NLRP3: variants seen among roughly 807,000 people sequenced by gnomAD.
The protein encoded by NLRP3 is NACHT, LRR and PYD domains-containing protein 3.
NLRP3 carries 48 observed loss-of-function variants against 91.3 expected under a neutral mutation model. The ratio of observed to expected loss-of-function variants is 0.53; its 90% CI spans 0.42 to 0.67. NLRP3 has a LOEUF of 0.67. NLRP3 is among the 30% of genes least tolerant of loss of function. The probability of loss-of-function intolerance (pLI) is 0.00; values close to 1 mark genes in which losing one functional copy is unlikely to be tolerated. For synonymous variants in NLRP3, 561 were observed against 507.9 expected (o/e 1.10, Z -1.41); for missense variants, 982 against 1,276.9 (o/e 0.77, Z 3.52).
chr1:247,429,144 CG>C (rs1348053328), intron 4 of NLRP3, among the ~76,000 whole-genome samples: 1 of 152,126 alleles, frequency 6.6e-6, no homozygotes, highest in African/African-American at 2.4e-5. Flanking sequence ...CTGCCCGCCT[CG>C]GCCTCCCAAA....
intron 6 of NLRP3, 44 bp from the exon 7 acceptor site, chr1:247,435,926 C>A (rs190033492): frequency 6.3e-7 from 1 of 1,598,630 alleles, no homozygotes. Context: ...CATGGTGGAG[C>A]GTGGGTGAGA....
rs202100942 is a variant in NLRP3, at chr1:247,441,197, C to CT, written c.2664-2775_2664-2774insT. Among the ~76,000 whole-genome samples the CT allele has an allele frequency of 5.3e-3, 540 of 102,072 alleles. 2 individuals are homozygous for CT. The highest frequency in any genetic ancestry group is 0.019 in the African/African-American group (521 of 28,076). The allele number at this position is 102,072 out of a possible 152,430, so 67.0% of individuals were successfully genotyped here. ...TCTTTCTCCCTTCCCTTCCCCTCCCCCCCCCCTTTCCCTTTCCCCTTTCCT... is the reference window on the plus strand; with the variant it reads ...TCTTTCTCCCTTCCCTTCCCCTCCCCTCCCCCCTTTCCCTTTCCCCTTTCCT... On this transcript the variant is annotated intron_variant, in intron 7 of 9. Transcript: ENST00000336119.
At chr1:247,422,552 C>T (rs931191778) in intron 2 of NLRP3, among the ~76,000 whole-genome samples, 2 of 152,072 alleles carry the variant, frequency 1.3e-5, no homozygotes, top group African/African-American at 2.4e-5. Flanking sequence ...TGATTCTCAA[C>T]ACAGATGCAT....
chr1:247,447,080 G>A (rs562763883), intron 9 of NLRP3, among the ~76,000 whole-genome samples: 1 of 152,310 alleles, frequency 6.6e-6, no homozygotes, highest in East Asian at 1.9e-4. Context: ...AAGAATCCAT[G>A]AATGCAATCA....
At chr1:247,427,150 G>C (rs747121907) in intron 4 of NLRP3, among the ~76,000 whole-genome samples, 1 of 152,100 alleles carries the variant, frequency 6.6e-6, no homozygotes, top group South Asian at 2.1e-4. Context: ...CCTTCTCACT[G>C]TGTCCTTACA....
intron 7 of NLRP3, among the ~76,000 whole-genome samples, chr1:247,436,608 T>A (rs979389720): frequency 1.3e-5 from 2 of 152,166 alleles, no homozygotes; most frequent in Non-Finnish European, 2.9e-5. Flanking sequence ...CCTTCACCTA[T>A]GTAGCCATGC....
Position 247,424,094 on chromosome 1 carries a change from G to A in NLRP3, c.645G>A (p.Glu215=), listed in dbSNP as rs1344921022. The change falls in exon 4 of 10, where the codon GAG becomes GAA. Residue 215 remains glutamate, a synonymous_variant. Transcript: ENST00000336119. This position sits in a 1 kb window ranked among gnomAD's most constrained non-coding sequence, Gnocchi z 8.1. Reference sequence around the variant, plus strand: ...TTGACCCCGATGATGAGCATTCTGAGCCTGTGCACACCGTGGTGTTCCAGG... The same window carrying A: ...TTGACCCCGATGATGAGCATTCTGAACCTGTGCACACCGTGGTGTTCCAGG... ...LLFDPDDEHS[E]PVHTVVFQGA... The A allele has an allele frequency of 6.2e-7, 1 of 1,614,130 alleles. No homozygotes were observed. Among genetic ancestry groups the A allele is most frequent in the South Asian group, 1.1e-5 (1 of 91,066 alleles).
rs762512734 is a variant in NLRP3, at chr1:247,424,833, G to A, written c.1384G>A (p.Ala462Thr). 5 of 1,607,850 alleles carry A rather than the reference G, an allele frequency of 3.1e-6. No homozygotes were observed. The highest frequency in any genetic ancestry group is 4.5e-5 in the East Asian group (2 of 44,868). Residue 462 changes from alanine to threonine, a missense_variant, in exon 4 of 10, where the codon GCC (alanine) becomes ACC (threonine). Transcript: ENST00000336119. The surrounding 1 kb of genome is among the most constrained non-coding windows in gnomAD (Gnocchi z 8.1). ...RGGSQEHGLCAHLWGLCSLAA... is the reference protein window; with the variant it reads ...RGGSQEHGLCTHLWGLCSLAA... ...AGGGAGCCAGGAGCACGGCCTCTGC[G>A]CCCACCTCTGGGGGCTCTGCTCTTT... is the stretch of plus-strand genomic sequence containing the variant.
intron 9 of NLRP3, among the ~76,000 whole-genome samples, chr1:247,445,496 G>A (rs1049708765): frequency 6.6e-6 from 1 of 152,148 alleles, no homozygotes; most frequent in South Asian, 2.1e-4. Flanking sequence ...CTCCGTGCCT[G>A]GCGGTTTCTG....
chr1:247,434,381 G>A (rs1311815750), intron 6 of NLRP3, 108 bp downstream of exon 6: 7 of 1,179,612 alleles, frequency 5.9e-6, no homozygotes, highest in South Asian at 1.2e-5. Context: ...TGGCCTTGGC[G>A]GCTCGGGTGA....
In NLRP3 at chr1:247,434,292, C is replaced by T. The variant is rs200900048; in HGVS notation, c.2492+19C>T. On this transcript the variant is annotated intron_variant, in intron 6 of 9. Coordinates refer to ENST00000336119, the MANE Select transcript of NLRP3 (RefSeq NM_001243133.2). ...AGCTCTGGTGAGTCGAGCCCGTTCC[C>T]CTAAGGAAGTTCTGCCAGCGAGGCG... The T allele has an allele frequency of 1.8e-5, 29 of 1,613,848 alleles. No homozygotes were observed. Among genetic ancestry groups the T allele is most frequent in the Non-Finnish European group, 2.4e-5 (28 of 1,179,834 alleles).
chr1:247,448,233 C>T (rs1016753160), intron 9 of NLRP3, among the ~76,000 whole-genome samples, 172 bp from the exon 10 acceptor site: 13 of 141,832 alleles, frequency 9.2e-5, no homozygotes, highest in African/African-American at 3.4e-4. Context: ...GCGACGGCGG[C>T]GAGGACGCGG....
chr1:247,416,424 A>C (rs1662079270), intron 1 of NLRP3, among the ~76,000 whole-genome samples: 1 of 152,212 alleles, frequency 6.6e-6, no homozygotes, highest in Non-Finnish European at 1.5e-5. Flanking sequence ...GGACAGCGGC[A>C]GCAACCATAG....
At position 247,448,480 on chromosome 1, in the gene NLRP3, C is replaced by A; in HGVS notation, c.3081C>A (p.Thr1027=). The A allele has an allele frequency of 6.2e-7, 1 of 1,612,774 alleles. No individual in the cohort carries two copies. Among genetic ancestry groups the A allele is most frequent in the Non-Finnish European group, 8.5e-7 (1 of 1,178,894 alleles). The change falls in exon 10 of 10, where the codon ACC becomes ACA. Residue 1027 remains threonine (T), a synonymous_variant. Coordinates refer to ENST00000336119, the MANE Select transcript of NLRP3 (RefSeq NM_001243133.2). The stretch of plus-strand genomic sequence containing the variant: ...TTCAAGAAGAAAAGCCTGAGCTGAC[C>A]GTCGTCTTTGAGCCTTCTTGGTAGG... ...ETLQEEKPEL[T]VVFEPSW is the part of the protein sequence containing the mutation.
chr1:247,437,966 A>T (rs1216514282), intron 7 of NLRP3, among the ~76,000 whole-genome samples: 1 of 152,234 alleles, frequency 6.6e-6, no homozygotes, highest in East Asian at 1.9e-4. Flanking sequence ...CCTGGTTCCA[A>T]ATTCCACATG....
chr1:247,426,268 G>C (rs1662874727), intron 4 of NLRP3, among the ~76,000 whole-genome samples: 2 of 152,190 alleles, frequency 1.3e-5, no homozygotes, highest in Non-Finnish European at 2.9e-5. Context: ...CCCCCATGTT[G>C]CTCTGCACTG....
rs780246397 is a variant in NLRP3 at position 247,429,678 on chromosome 1, C to G, written c.2244C>G (p.Asp748Glu). 15 of 1,614,018 alleles carry G rather than the reference C, an allele frequency of 9.3e-6. No homozygotes were observed. The East Asian group carries it at 2.2e-4, about 24-fold the overall frequency. Reference sequence around the variant, plus strand: ...GTCTAACTGAATTGGACCTCAGTGACAATTCTCTGGGGGACCCAGGGATGA... The same window carrying G: ...GTCTAACTGAATTGGACCTCAGTGAGAATTCTCTGGGGGACCCAGGGATGA... ...SQSLTELDLS[D>E]NSLGDPGMRV... Residue 748 changes from aspartate to glutamate, a missense_variant, in exon 5 of 10, where the codon GAC becomes GAG. Coordinates refer to ENST00000336119, the MANE Select transcript of NLRP3 (RefSeq NM_001243133.2).
chr1:247,448,338 T>C, intron 9 of NLRP3, 67 bp from the exon 10 acceptor site: 1 of 813,432 alleles, frequency 1.2e-6, no homozygotes, highest in Admixed American at 1.7e-5. Flanking sequence ...GATGAGACTT[T>C]TAAGGTTAAC....
chr1:247,429,767 T>A lies in NLRP3; in HGVS notation c.2321+12T>A, dbSNP rs747043119. 7.4e-6 allele frequency: 12 copies of A among 1,613,040 alleles called. No individual in the cohort carries two copies. Among genetic ancestry groups the A allele is most frequent in the Admixed American group, 3.3e-5 (2 of 59,990 alleles). ...ATTCGGAGATTGTGGTGAGTCCCCG[T>A]GCATGTGATCTGTGTGAGTGCAAGT... is the stretch of plus-strand genomic sequence containing the variant. On this transcript the variant is annotated intron_variant, in intron 5 of 9. Transcript: ENST00000336119.
Sources: allele counts gnomAD v4.1 joint callset (sites outside exome capture counted in the v4.1 genomes callset), GRCh38; gene constraint gnomAD v4.1.1; non-coding constraint Gnocchi (gnomAD v3.1); transcripts MANE v1.5; gene names NCBI Gene and HGNC (gene_info 2026-07-23, HGNC 2026-07-21).